Variants in USP33 observed in about 807,000 individuals in gnomAD.
USP33 encodes the protein ubiquitin specific peptidase 33.
USP33 carries 46 observed loss-of-function variants against 124.2 expected under a neutral mutation model. That is an observed-to-expected ratio of 0.37 (90% CI 0.29 to 0.47). The LOEUF is 0.47. Among genes scored for constraint, USP33 ranks in the 20% least tolerant of loss-of-function variants. The pLI, the probability that USP33 is intolerant of heterozygous loss-of-function variation, is 0.99. For synonymous variants in USP33, 350 were observed against 352.3 expected (o/e 0.99, Z 0.07); for missense variants, 851 against 1,070.6 (o/e 0.79, Z 2.86).
intron 19 of USP33, among the ~76,000 whole-genome samples, chr1:77,714,191 A>G (rs1439069599): frequency 6.6e-6 from 1 of 152,174 alleles, no homozygotes; most frequent in Middle Eastern, 3.2e-3. Context: ...CATTTAGACA[A>G]TGGGGTTAAG....
In USP33 at chr1:77,753,935, A is replaced by G. The variant is rs114797866; in HGVS notation, c.-52+5708T>C. Among the ~76,000 whole-genome samples, 943 of 152,236 alleles carry G rather than the reference A, an allele frequency of 6.2e-3. 7 individuals are homozygous for G. Among genetic ancestry groups the G allele is most frequent in the South Asian group, 0.013 (64 of 4,824 alleles). On this transcript the variant is annotated intron_variant, in intron 1 of 23. Transcript: ENST00000370794. ...CAACCATTACGAACTGAAAGCATGG[A>G]TGTTTAAACAGCAGAAGGCAAAAGA...
intron 1 of USP33, among the ~76,000 whole-genome samples, chr1:77,755,194 A>G (rs1000597932): frequency 1.3e-5 from 2 of 152,346 alleles, no homozygotes; most frequent in Middle Eastern, 3.4e-3. Context: ...ACATAGAAAC[A>G]TGGAAAAACC....
At chr1:77,715,616 C>T in intron 18 of USP33, 126 bp downstream of exon 18, 2 of 1,108,878 alleles carry the variant, frequency 1.8e-6, no homozygotes, top group Middle Eastern at 2.1e-4. Context: ...CTGTATTTTA[C>T]TGTAATGAAA....
rs1676546439 is a variant in USP33, at chr1:77,721,406, A to G, written c.1658-201T>C. On this transcript the variant is annotated intron_variant, in intron 14 of 23. Coordinates refer to ENST00000370794, the MANE Select transcript of USP33 (RefSeq NM_201624.3). ...CTGCCAACATTGAAGACCTACCTCA[A>G]ATAATATCTTTTCCATTTATTCATT... The G allele has an allele frequency of 5.0e-6, 3 of 595,592 alleles. No homozygotes were observed. In the South Asian group the frequency reaches 6.6e-5, roughly 13 times the overall value. 36.9% of individuals were successfully genotyped at this position (595,592 alleles called of 1,614,324 possible).
intron 8 of USP33, 34 bp downstream of exon 8, chr1:77,730,584 T>G: frequency 7.1e-7 from 1 of 1,401,876 alleles, no homozygotes; most frequent in Non-Finnish European, 9.5e-7. Context: ...ATTTAAAAGT[T>G]TAATAAAGAA....
intron 22 of USP33, among the ~76,000 whole-genome samples, chr1:77,698,319 C>T (rs1673630427): frequency 6.6e-6 from 1 of 151,336 alleles, no homozygotes; most frequent in Non-Finnish European, 1.5e-5. Flanking sequence ...ACGATCTACC[C>T]ACCTCAGCCT....
intron 1 of USP33, among the ~76,000 whole-genome samples, chr1:77,754,243 G>T (rs540213474): frequency 6.5e-4 from 99 of 152,252 alleles, no homozygotes; most frequent in Non-Finnish European, 1.2e-3. Flanking sequence ...TCTTTCAACA[G>T]TTTCAATCTA....
intron 21 of USP33, among the ~76,000 whole-genome samples, chr1:77,708,849 T>C (rs1246983595): frequency 6.6e-6 from 1 of 152,162 alleles, no homozygotes; most frequent in Admixed American, 6.6e-5. Flanking sequence ...TGATTTTGTT[T>C]CATTTCTTTC....
Position 77,718,052 on chromosome 1 carries a change from A to C in USP33, c.1738-5T>G. On this transcript the variant is annotated splice_polypyrimidine_tract_variant and splice_region_variant and intron_variant, in intron 16 of 23. Coordinates refer to ENST00000370794, the MANE Select transcript of USP33 (RefSeq NM_201624.3). ...TTTAAGGTGGATGCACAAAATCTAA[A>C]AAAGAATAAAATTCAAAACTAATTT... 1 of 1,583,018 alleles carries C rather than the reference A, an allele frequency of 6.3e-7. No individual in the cohort carries two copies. Among genetic ancestry groups the C allele is most frequent in the Non-Finnish European group, 8.6e-7 (1 of 1,165,498 alleles).
intron 10 of USP33, among the ~76,000 whole-genome samples, chr1:77,726,972 C>T (rs1677239168): frequency 6.6e-6 from 1 of 152,002 alleles, no homozygotes; most frequent in South Asian, 2.1e-4. Context: ...GAGAATTGTT[C>T]GTAAGAGATC....
chr1:77,715,914 A>G (rs575628963), intron 17 of USP33, 46 bp from the exon 18 acceptor site: 1 of 1,572,888 alleles, frequency 6.4e-7, no homozygotes, highest in South Asian at 1.2e-5. Flanking sequence ...CAAAAACAAC[A>G]GAAGAAAGGA....
At chr1:77,750,664 G>GAAAGAAAGAAAGAAAGAAAGAAAGA (rs1680235577) in intron 1 of USP33, among the ~76,000 whole-genome samples, 1 of 142,846 alleles carries the variant, frequency 7.0e-6, no homozygotes, top group African/African-American at 2.6e-5. Context: ...AAGAAAGAAA[G>GAAAGAAAGAAAGAAAGAAAGAAAGA]AAAGAAAGAA....
In USP33 at chr1:77,759,832, G is replaced by A. The variant is rs969009752; in HGVS notation, c.-241C>T. 5 of 396,526 alleles carry A rather than the reference G, an allele frequency of 1.3e-5. No homozygotes were observed. The highest frequency in any genetic ancestry group is 2.1e-5 in the African/African-American group (1 of 48,528). The allele number at this position is 396,526 out of a possible 1,614,324, so 24.6% of individuals were successfully genotyped here. ...GAACTGGCCACTTCCCGCAGCAGCC[G>A]CGGCTCCTTCCGGTGTCTCCGGGGC... On this transcript the variant is annotated 5_prime_UTR_variant, in exon 1 of 24. Coordinates refer to ENST00000370794, the MANE Select transcript of USP33 (RefSeq NM_201624.3).
rs1243634330 is a variant in USP33 at position 77,697,391 on chromosome 1, G to C, written c.2662C>G (p.Pro888Ala). The change falls in exon 24 of 24, where the codon CCT becomes GCT. Residue 888 changes from proline to alanine, a missense_variant. Transcript: ENST00000370794. ...TCTGGATCAACATGAACAACCGGAG[G>C]TCGCAGGATAACTTCAGGCCCTCCA... ...YGGGPEVILR[P>A]PVVHVDPDIL... 6.2e-7 allele frequency: 1 copy of C among 1,613,234 alleles called. No individual in the cohort carries two copies. Among genetic ancestry groups the C allele is most frequent in the Non-Finnish European group, 8.5e-7 (1 of 1,179,848 alleles).
chr1:77,753,928 A>C (rs1388283461), intron 1 of USP33, among the ~76,000 whole-genome samples: 4 of 152,076 alleles, frequency 2.6e-5, no homozygotes, highest in African/African-American at 9.7e-5. Flanking sequence ...ACGAACTGAA[A>C]GCATGGATGT....
At chr1:77,735,016 G>A (rs577419793) in intron 6 of USP33, among the ~76,000 whole-genome samples, 7 of 152,116 alleles carry the variant, frequency 4.6e-5, no homozygotes, top group South Asian at 4.2e-4. Flanking sequence ...CCAGCTACTC[G>A]GGAGGCTGAA....
chr1:77,747,441 G>A (rs1679859465), intron 1 of USP33, among the ~76,000 whole-genome samples: 1 of 151,844 alleles, frequency 6.6e-6, no homozygotes. Flanking sequence ...TTCTTTTGTG[G>A]AGACAAAGTC....
intron 12 of USP33, 80 bp from the exon 13 acceptor site, chr1:77,722,276 G>A (rs1676646779): frequency 3.7e-5 from 46 of 1,238,326 alleles, no homozygotes; most frequent in South Asian, 2.6e-4. Flanking sequence ...AGACTCTAAA[G>A]ATCAAAGCAT....
Position 77,720,182 on chromosome 1 carries a change from A to AAAC in USP33, c.1691+989_1691+990insGTT, listed in dbSNP as rs1311544022. The AAAC allele has an allele frequency of 9.2e-6, 4 of 435,606 alleles. 1 individual carries two copies. The highest frequency in any genetic ancestry group is 1.2e-5 in the Non-Finnish European group (4 of 327,306). 27.0% of individuals were successfully genotyped at this position (435,606 alleles called of 1,614,324 possible). ...TCTCAAATGAAAAAAAAAAAAAAAA[A>AAAC]AAAAAAAAAAAACCTTTATTCTTAC... On this transcript the variant is annotated intron_variant, in intron 15 of 23. Transcript: ENST00000370794.
Sources: allele counts gnomAD v4.1 joint callset (sites outside exome capture counted in the v4.1 genomes callset), GRCh38; gene constraint gnomAD v4.1.1; transcripts MANE v1.5; gene names NCBI Gene and HGNC (gene_info 2026-07-23, HGNC 2026-07-21).